The following KCNIP1 variants were observed in gnomAD, a reference collection of about 807,000 sequenced individuals.
KCNIP1 encodes potassium voltage-gated channel interacting protein 1.
In KCNIP1, 18 loss-of-function variants were observed where a neutral mutation model predicts 33.0. That is an observed-to-expected ratio of 0.55 (90% confidence interval 0.38 to 0.81). The LOEUF is 0.81. Ranked by LOEUF, KCNIP1 falls within the 30% of genes least tolerant of loss-of-function variation. The pLI, the probability that KCNIP1 is intolerant of heterozygous loss-of-function variation, is 0.00. For synonymous variants in KCNIP1, 93 were observed against 98.3 expected (o/e 0.95, Z 0.32); for missense variants, 238 against 271.6 (o/e 0.88, Z 0.87).
Position 170,462,275 on chromosome 5 carries a change from A to AC in KCNIP1, c.88+108311_88+108312insC, listed in dbSNP as rs1554094228. On this transcript the variant is annotated intron_variant, in intron 1 of 7. Coordinates refer to the KCNIP1 transcript ENST00000377360. ...CTCAAACAAATTAGCAAAAAAAAAA[A>AC]AAAAAAAAAACTACCAAAAAAAATC... is the stretch of plus-strand genomic sequence containing the variant. Among the ~76,000 whole-genome samples, 9 of 148,286 alleles carry AC rather than the reference A, an allele frequency of 6.1e-5. No homozygotes were observed. In the South Asian group the frequency reaches 1.1e-3, roughly 18 times the overall value.
intron 1 of KCNIP1, among the ~76,000 whole-genome samples, chr5:170,403,727 C>T (rs1046220409): frequency 1.3e-5 from 2 of 152,180 alleles, no homozygotes; most frequent in Non-Finnish European, 2.9e-5. Flanking sequence ...ATAGCAGGTG[C>T]CCAAGAAATG....
intron 1 of KCNIP1, among the ~76,000 whole-genome samples, chr5:170,556,105 G>A (rs2113438981): frequency 6.6e-6 from 1 of 152,310 alleles, no homozygotes; most frequent in African/African-American, 2.4e-5. Flanking sequence ...TTATGCACAG[G>A]AACCACGTCC....
chr5:170,553,132 T>G (rs560921888), intron 1 of KCNIP1, among the ~76,000 whole-genome samples: 2 of 152,192 alleles, frequency 1.3e-5, no homozygotes, highest in Non-Finnish European at 2.9e-5. Context: ...TGACCTAGAC[T>G]CTGGGCCAGA....
intron 1 of KCNIP1, among the ~76,000 whole-genome samples, chr5:170,663,492 A>T (rs1337706520): frequency 6.6e-6 from 1 of 152,118 alleles, no homozygotes; most frequent in African/African-American, 2.4e-5. Context: ...GGTTTCTCCT[A>T]CAGAAGACAA....
At chr5:170,425,596 T>G (rs1755595458) in intron 1 of KCNIP1, among the ~76,000 whole-genome samples, 1 of 152,238 alleles carries the variant, frequency 6.6e-6, no homozygotes, top group Non-Finnish European at 1.5e-5. Context: ...GACATCCTTC[T>G]GTTGCCACCA....
chr5:170,514,512 G>C (rs922360955), intron 1 of KCNIP1, among the ~76,000 whole-genome samples: 1 of 152,194 alleles, frequency 6.6e-6, no homozygotes, highest in African/African-American at 2.4e-5. Context: ...AAAATAATCA[G>C]GTCCTCCCAC....
chr5:170,356,725 G>A (rs1763358403), intron 1 of KCNIP1, among the ~76,000 whole-genome samples: 1 of 152,182 alleles, frequency 6.6e-6, no homozygotes, highest in African/African-American at 2.4e-5. Flanking sequence ...TACTAGCATG[G>A]GGCCCAGAAT....
chr5:170,362,779 CT>C (rs1763547904), intron 1 of KCNIP1, among the ~76,000 whole-genome samples: 1 of 152,174 alleles, frequency 6.6e-6, no homozygotes, highest in Non-Finnish European at 1.5e-5. Context: ...TTTCTGTAAT[CT>C]TTTGATTAAC....
rs577431075 is a variant in KCNIP1, at chr5:170,520,315, A to G, written c.61+15682A>G. Among the ~76,000 whole-genome samples the G allele has an allele frequency of 3.9e-5, 6 of 152,342 alleles. No homozygotes were observed. In the South Asian group the frequency reaches 8.3e-4, roughly 21 times the overall value. On this transcript the variant is annotated intron_variant, in intron 1 of 7. Coordinates refer to ENST00000328939, the MANE Select transcript of KCNIP1 (RefSeq NM_014592.4). ...CATAGCTGCTAAGTGCAGGGACAGC[A>G]TCAGAACCCAGGCCCGTCTGTGCCC... is the stretch of plus-strand genomic sequence containing the variant.
chr5:170,432,580 G>A (rs1191168567), intron 1 of KCNIP1, among the ~76,000 whole-genome samples: 2 of 152,160 alleles, frequency 1.3e-5, no homozygotes, highest in South Asian at 2.1e-4. Context: ...AGAACCACTT[G>A]GTAGCCTAAA....
chr5:170,554,251 G>A (rs1431599954), intron 1 of KCNIP1, among the ~76,000 whole-genome samples: 2 of 152,174 alleles, frequency 1.3e-5, no homozygotes, highest in Admixed American at 6.5e-5. Context: ...AGTAGCAGGT[G>A]GCCCAGAATG....
At chr5:170,524,156 A>G (rs1009485806) in intron 1 of KCNIP1, among the ~76,000 whole-genome samples, 1 of 152,132 alleles carries the variant, frequency 6.6e-6, no homozygotes, top group African/African-American at 2.4e-5. Context: ...CTGTCTACAC[A>G]TTCCCAAGGT....
chr5:170,503,423 G>A (rs960281678), upstream of KCNIP1, among the ~76,000 whole-genome samples: 4 of 148,452 alleles, frequency 2.7e-5, no homozygotes, highest in African/African-American at 9.9e-5. Flanking sequence ...AAAGAAAAAT[G>A]AGAGTGTAAG....
intron 1 of KCNIP1, among the ~76,000 whole-genome samples, chr5:170,623,662 C>T (rs1468330716): frequency 1.3e-5 from 2 of 152,052 alleles, no homozygotes; most frequent in Non-Finnish European, 2.9e-5. Flanking sequence ...AAGTCTGGGA[C>T]GAAAAGGGAT....
At chr5:170,412,602 C>A (rs1755224479) in intron 1 of KCNIP1, among the ~76,000 whole-genome samples, 1 of 152,110 alleles carries the variant, frequency 6.6e-6, no homozygotes, top group African/African-American at 2.4e-5. Context: ...GAAACAAAAA[C>A]AAACAAAAAC....
chr5:170,602,235 T>G (rs1758723226), intron 1 of KCNIP1, among the ~76,000 whole-genome samples: 1 of 152,232 alleles, frequency 6.6e-6, no homozygotes, highest in Non-Finnish European at 1.5e-5. Flanking sequence ...GGCACTGATC[T>G]GGTCCTCCCA....
intron 1 of KCNIP1, among the ~76,000 whole-genome samples, chr5:170,369,246 G>C (rs1256587313): frequency 6.6e-6 from 1 of 152,174 alleles, no homozygotes; most frequent in Non-Finnish European, 1.5e-5. Context: ...CAGTAAAATG[G>C]GGATAATGAA....
rs1554088940 is a variant in KCNIP1 at position 170,390,517 on chromosome 5, A to AATATATATAT, written c.88+36566_88+36575dup. ...GACCCCGTCTCAAAAAAAAAAAACA[A>AATATATATAT]ATATATATATATATATATATATTTT... is the stretch of plus-strand genomic sequence containing the variant. On this transcript the variant is annotated intron_variant, in intron 1 of 7. Transcript: ENST00000377360. Among the ~76,000 whole-genome samples the AATATATATAT allele has an allele frequency of 1.1e-3, 79 of 74,306 alleles. 4 individuals carry two copies. Among genetic ancestry groups the AATATATATAT allele is most frequent in the Admixed American group, 1.3e-3 (9 of 6,810 alleles). 48.7% of individuals were successfully genotyped at this position (74,306 alleles called of 152,430 possible).
chr5:170,561,424 G>T (rs907729145), intron 1 of KCNIP1, among the ~76,000 whole-genome samples: 1 of 152,198 alleles, frequency 6.6e-6, no homozygotes, highest in African/African-American at 2.4e-5. Context: ...ACAGAGAAAG[G>T]AGGAGGATGG....
Sources: allele counts gnomAD v4.1 joint callset (sites outside exome capture counted in the v4.1 genomes callset), GRCh38; gene constraint gnomAD v4.1.1; transcripts MANE v1.5; gene names NCBI Gene and HGNC (gene_info 2026-07-23, HGNC 2026-07-21).